MCM3AP: variants seen among roughly 807,000 people sequenced by gnomAD.
MCM3AP encodes minichromosome maintenance complex component 3 associated protein, also known as germinal-center associated nuclear protein.
A neutral mutation model predicts 184.1 loss-of-function variants in MCM3AP; 126 were observed. That is an observed-to-expected ratio of 0.68 (90% CI 0.59 to 0.79). The LOEUF is 0.79. Ranked by LOEUF, MCM3AP falls within the 30% of genes least tolerant of loss-of-function variation. The pLI is 0.00. For synonymous variants in MCM3AP, 1,002 were observed against 979.3 expected (o/e 1.02, Z -0.43); for missense variants, 2,496 against 2,479.2 (o/e 1.01, Z -0.14).
rs1452163128 is a variant in MCM3AP, at chr21:46,251,888, T to TA, written c.4137-207_4137-206insT. On this transcript the variant is annotated intron_variant, in intron 19 of 27. Coordinates refer to ENST00000291688, the MANE Select transcript of MCM3AP (RefSeq NM_003906.5). ...CAACGATCTGTACTCGTTCTTTTTT[T>TA]TTTTTTTTTTTTTTTGAGCCAGGGT... 456 of 366,470 alleles carry TA rather than the reference T, an allele frequency of 1.2e-3. 2 individuals are homozygous for TA. Among genetic ancestry groups the TA allele is most frequent in the African/African-American group, 8.5e-3 (407 of 47,714 alleles). The allele number at this position is 366,470 out of a possible 1,614,324, so 22.7% of individuals were successfully genotyped here.
At chr21:46,269,676 CT>C (rs1050927393) in intron 9 of MCM3AP, among the ~76,000 whole-genome samples, 53 of 152,172 alleles carry the variant, frequency 3.5e-4, no homozygotes, top group African/African-American at 1.3e-3. Context: ...CCACTACGGG[CT>C]TGTGGCAAGG....
At chr21:46,281,591 G>A (rs1415003410) in intron 2 of MCM3AP, among the ~76,000 whole-genome samples, 1 of 152,214 alleles carries the variant, frequency 6.6e-6, no homozygotes, top group Non-Finnish European at 1.5e-5. Context: ...GGAGGTGGAG[G>A]TGGGAGGATC....
intron 15 of MCM3AP, chr21:46,259,435 G>A (rs17182955): frequency 1.5e-3 from 236 of 152,928 alleles, no homozygotes; most frequent in Admixed American, 4.5e-3. Flanking sequence ...CAGCCTGGAC[G>A]ACAGAGCGAG....
chr21:46,256,332 G>A, intron 17 of MCM3AP: 1 of 167,394 alleles, frequency 6.0e-6, no homozygotes, highest in Non-Finnish European at 1.3e-5. Context: ...ATAATGGAGG[G>A]TGGAGGTGGA....
chr21:46,260,591 T>TA (rs2081028919), intron 15 of MCM3AP, among the ~76,000 whole-genome samples: 1 of 152,260 alleles, frequency 6.6e-6, no homozygotes, highest in African/African-American at 2.4e-5. Flanking sequence ...AGCCCTCATA[T>TA]AAAAGAGAAT....
chr21:46,260,624 G>A (rs2081029351), intron 15 of MCM3AP, among the ~76,000 whole-genome samples, 169 bp downstream of exon 15: 1 of 152,206 alleles, frequency 6.6e-6, no homozygotes, highest in Non-Finnish European at 1.5e-5. Context: ...AATTCTATTA[G>A]CCAAGGGAGC....
intron 9 of MCM3AP, among the ~76,000 whole-genome samples, chr21:46,269,567 C>T (rs982814967): frequency 6.6e-6 from 1 of 152,150 alleles, no homozygotes; most frequent in Non-Finnish European, 1.5e-5. Context: ...TCACTGTTTA[C>T]AGGAGGCCCT....
intron 6 of MCM3AP, 67 bp downstream of exon 6, chr21:46,275,119 A>G (rs563794642): frequency 2.7e-6 from 4 of 1,505,668 alleles, no homozygotes; most frequent in East Asian, 4.8e-5. Flanking sequence ...CAAATCAAGT[A>G]TGTACAGAAA....
In MCM3AP at chr21:46,278,494, T is replaced by G. The variant is rs2081282675; in HGVS notation, c.1668-777A>C. Among the ~76,000 whole-genome samples the G allele has an allele frequency of 2.6e-5, 4 of 152,250 alleles. 1 individual carries two copies. In the South Asian group the frequency reaches 8.3e-4, roughly 32 times the overall value. Reference sequence around the variant, plus strand: ...ATGAAAAGATGGATTCAGCCGGAGATCTGTCAAAGTAGGCCTGGTGTGAAA... The same window carrying G: ...ATGAAAAGATGGATTCAGCCGGAGAGCTGTCAAAGTAGGCCTGGTGTGAAA... On this transcript the variant is annotated intron_variant, in intron 4 of 27. Coordinates refer to ENST00000291688, the MANE Select transcript of MCM3AP (RefSeq NM_003906.5).
At position 46,284,399 on chromosome 21, in the gene MCM3AP, G is replaced by A. The variant is rs201323790; in HGVS notation, c.888C>T (p.Asp296=). 6 of 1,614,172 alleles carry A rather than the reference G, an allele frequency of 3.7e-6. No homozygotes were observed. In the South Asian group the frequency reaches 5.5e-5, roughly 15 times the overall value. ...CATGTCTCCTTGGGGAGCGATCCTGGTCCTCCTTCCTTTTCAGTCCTTTCA... is the reference window on the plus strand; with the variant it reads ...CATGTCTCCTTGGGGAGCGATCCTGATCCTCCTTCCTTTTCAGTCCTTTCA... ...SLMKGLKRKE[D]QDRSPRRHGH... Residue 296 remains aspartate, a synonymous_variant, in exon 1 of 28, where the codon GAC becomes GAT. Coordinates refer to ENST00000291688, the MANE Select transcript of MCM3AP (RefSeq NM_003906.5).
intron 13 of MCM3AP, among the ~76,000 whole-genome samples, chr21:46,262,827 C>T (rs1287182740): frequency 2.0e-5 from 3 of 149,680 alleles, no homozygotes; most frequent in African/African-American, 2.5e-5. Context: ...ATTAGCCGGG[C>T]GAGGTAGCGG....
At chr21:46,265,818 C>T in intron 11 of MCM3AP, 107 bp downstream of exon 11, 1 of 1,375,238 alleles carries the variant, frequency 7.3e-7, no homozygotes, top group Non-Finnish European at 9.8e-7. Flanking sequence ...GGTGCTCAGG[C>T]TCCTGGGAGG....
intron 26 of MCM3AP, 96 bp from the exon 27 acceptor site, chr21:46,237,075 C>A: frequency 1.8e-6 from 1 of 546,734 alleles, no homozygotes; most frequent in Non-Finnish European, 2.8e-6. Context: ...CTTTTTAAGC[C>A]TTTGCTTTTT....
At chr21:46,256,430 G>GA (rs1163649717) in intron 17 of MCM3AP, 3 of 263,070 alleles carry the variant, frequency 1.1e-5, no homozygotes, top group African/African-American at 6.6e-5. Context: ...GGGATCGGAA[G>GA]ACACAGGCCA....
In MCM3AP at chr21:46,246,650, G is replaced by A. The variant is rs137885318; in HGVS notation, c.4527C>T (p.Ala1509=). ...AACCATCTTCTACTTCCTTCTCAAC[G>A]GCGTCCCCTCCTGGGCTAGGCACAA... ...VVLVPSPGGD[A]VEKEVEDGLM... The change falls in exon 21 of 28, where the codon GCC becomes GCT. Residue 1509 remains alanine (A), a synonymous_variant. Coordinates refer to ENST00000291688, the MANE Select transcript of MCM3AP (RefSeq NM_003906.5). 6.2e-4 allele frequency: 1,004 copies of A among 1,610,678 alleles called. 4 individuals carry two copies. The highest frequency in any genetic ancestry group is 1.9e-3 in the African/African-American group (142 of 74,986).
chr21:46,243,894 G>A, intron 23 of MCM3AP, 172 bp from the exon 24 acceptor site: 2 of 650,104 alleles, frequency 3.1e-6, no homozygotes, highest in Non-Finnish European at 5.3e-6. Flanking sequence ...GGGTCTAGGT[G>A]AGGGATGCAG....
intron 9 of MCM3AP, chr21:46,268,174 G>A (rs2081137046): frequency 6.6e-6 from 1 of 152,174 alleles, no homozygotes; most frequent in African/African-American, 2.4e-5. Flanking sequence ...TCCAGCCTGG[G>A]TGACAAAGTG....
At chr21:46,275,423 AAC>A (rs201158409) in intron 5 of MCM3AP, 98 bp from the exon 6 acceptor site, 156 of 1,002,288 alleles carry the variant, frequency 1.6e-4, no homozygotes, top group Non-Finnish European at 1.9e-4. Flanking sequence ...TAAAACTTAA[AAC>A]ACACACACAC....
chr21:46,251,494 AAC>A (rs1732200602), intron 20 of MCM3AP, 33 bp downstream of exon 20: 2 of 1,549,390 alleles, frequency 1.3e-6, no homozygotes, highest in Non-Finnish European at 1.8e-6. Context: ...AAGTAATGAA[AAC>A]ACAGAAGTAA....
Sources: allele counts gnomAD v4.1 joint callset (sites outside exome capture counted in the v4.1 genomes callset), GRCh38; gene constraint gnomAD v4.1.1; transcripts MANE v1.5; gene names NCBI Gene and HGNC (gene_info 2026-07-23, HGNC 2026-07-21).